Variants in STARD9 observed in about 807,000 individuals in gnomAD.
The protein encoded by STARD9 is StAR related lipid transfer domain containing 9.
Under a neutral mutation model 399.8 loss-of-function variants are expected in STARD9, and 346 were observed. That is an observed-to-expected ratio of 0.87 (90% CI 0.79 to 0.95). The LOEUF is 0.95. Ranked by LOEUF, STARD9 falls within the 40% of genes least tolerant of loss-of-function variation. The pLI is 0.00. For synonymous variants in STARD9, 2,203 were observed against 2,143.5 expected (o/e 1.03, Z -0.77); for missense variants, 5,832 against 5,667.5 (o/e 1.03, Z -0.93).
Position 42,664,064 on chromosome 15 carries a change from T to A in STARD9, c.1176+147T>A, listed in dbSNP as rs1030068037. On this transcript the variant is annotated intron_variant, in intron 13 of 32. Transcript: ENST00000290607. ...GATGAGGGAGTAGAATTCTTTCTTG[T>A]ACTGTCATCTCCTTCTTTCCTATCT... 5.8e-5 allele frequency: 36 copies of A among 615,850 alleles called. No homozygotes were observed. In the African/African-American group the frequency reaches 6.3e-4, roughly 11 times the overall value. The allele number at this position is 615,850 out of a possible 1,614,324, so 38.1% of individuals were successfully genotyped here.
intron 3 of STARD9, among the ~76,000 whole-genome samples, chr15:42,591,225 C>T (rs1296770104): frequency 2.0e-5 from 3 of 152,190 alleles, no homozygotes; most frequent in Non-Finnish European, 4.4e-5. Context: ...CAGTGGCTCA[C>T]GCCTGTAATC....
At chr15:42,695,648 G>C in intron 25 of STARD9, 95 bp from the exon 26 acceptor site, 1 of 1,392,700 alleles carries the variant, frequency 7.2e-7, no homozygotes, top group Non-Finnish European at 9.6e-7. Flanking sequence ...CAGTAGAGGT[G>C]AGCAGGGAAG....
chr15:42,591,329 G>A (rs555786664), intron 3 of STARD9, among the ~76,000 whole-genome samples: 2 of 152,196 alleles, frequency 1.3e-5, no homozygotes, highest in African/African-American at 2.4e-5. Flanking sequence ...CTCTACTAAA[G>A]ATACAGAAAA....
rs562709108 is a variant in STARD9 at position 42,616,935 on chromosome 15, A to G, written c.235-17921A>G. ...TACAAAAAGAAAGTTAGAGAATAAC[A>G]GTAACTACTTCATAAATGTATTGTA... On this transcript the variant is annotated intron_variant, in intron 3 of 32. Transcript: ENST00000290607. 3.3e-5 allele frequency among the ~76,000 whole-genome samples: 5 copies of G among 152,210 alleles called. No homozygotes were observed. The South Asian group carries it at 1.0e-3, about 32-fold the overall frequency.
chr15:42,673,363 C>T (rs762055191), intron 16 of STARD9, among the ~76,000 whole-genome samples: 8 of 152,110 alleles, frequency 5.3e-5, no homozygotes, highest in Non-Finnish European at 1.2e-4. Context: ...GATTGCACCA[C>T]TGTACTCCAG....
Position 42,665,772 on chromosome 15 carries a change from C to CT in STARD9, c.1255-13dup, listed in dbSNP as rs2060088688. 1 of 1,536,314 alleles carries CT rather than the reference C, an allele frequency of 6.5e-7. No homozygotes were observed. The highest frequency in any genetic ancestry group is 8.7e-7 in the Non-Finnish European group (1 of 1,146,180). ...ACCAGGAAAATATCAAAGCACATCT[C>CT]TATCTTTGTGCAGAGAAACTTCAGT... On this transcript the variant is annotated splice_polypyrimidine_tract_variant and intron_variant, in intron 14 of 32. Transcript: ENST00000290607.
rs138257631 is a variant in STARD9 at position 42,629,126 on chromosome 15, C to A, written c.235-5730C>A. Reference sequence around the variant, plus strand: ...CCATGACCTCCTGGGTGCAAGCAATCCTCCCACCTCAGCCTCCCAAGTAGC... The same window carrying A: ...CCATGACCTCCTGGGTGCAAGCAATACTCCCACCTCAGCCTCCCAAGTAGC... On this transcript the variant is annotated intron_variant, in intron 3 of 32. Coordinates refer to ENST00000290607, the MANE Select transcript of STARD9 (RefSeq NM_020759.3). 5.2e-3 allele frequency among the ~76,000 whole-genome samples: 787 copies of A among 152,100 alleles called. 4 individuals carry two copies. Among genetic ancestry groups the A allele is most frequent in the Non-Finnish European group, 8.6e-3 (583 of 67,976 alleles).
intron 3 of STARD9, among the ~76,000 whole-genome samples, chr15:42,587,456 A>G (rs1281831401): frequency 1.3e-5 from 2 of 152,190 alleles, no homozygotes; most frequent in Non-Finnish European, 2.9e-5. Context: ...GCTCAGTACA[A>G]AAGAGCAGTG....
At chr15:42,628,210 G>A (rs1053416108) in intron 3 of STARD9, among the ~76,000 whole-genome samples, 1 of 152,100 alleles carries the variant, frequency 6.6e-6, no homozygotes, top group African/African-American at 2.4e-5. Flanking sequence ...CTTTTTATAT[G>A]TCTGTCATTT....
chr15:42,704,441 G>A (rs376405680), intron 26 of STARD9, among the ~76,000 whole-genome samples: 1 of 152,082 alleles, frequency 6.6e-6, no homozygotes, highest in African/African-American at 2.4e-5. Flanking sequence ...CAATATCTGG[G>A]CATTGAAGAA....
rs888998420 is a variant in STARD9 at position 42,718,070 on chromosome 15, G to T, written c.13653G>T (p.Pro4551=). 6 of 1,537,084 alleles carry T rather than the reference G, an allele frequency of 3.9e-6. No homozygotes were observed. The highest frequency in any genetic ancestry group is 5.2e-6 in the Non-Finnish European group (6 of 1,146,878). ...GFLGAGVVSQ[P]LSRVWAAVSD... The stretch of plus-strand genomic sequence containing the variant: ...TGGGGGCAGGTGTGGTGTCCCAGCC[G>T]CTGTCTCGTGTGTGGGCGGCTGTCA... Residue 4551 remains proline, a synonymous_variant, in exon 30 of 33, where the codon CCG becomes CCT. Transcript: ENST00000290607.
At chr15:42,587,790 C>G (rs561493911) in intron 3 of STARD9, among the ~76,000 whole-genome samples, 2 of 152,210 alleles carry the variant, frequency 1.3e-5, no homozygotes, top group South Asian at 2.1e-4. Context: ...ATCTCGAACT[C>G]CCGACCTCAG....
chr15:42,662,753 T>A, intron 10 of STARD9, 41 bp from the exon 11 acceptor site: 1 of 1,313,990 alleles, frequency 7.6e-7, no homozygotes, highest in African/African-American at 1.5e-5. Flanking sequence ...AGATAGTGTC[T>A]TATTTGCTTT....
intron 14 of STARD9, 78 bp downstream of exon 14, chr15:42,665,408 G>A: frequency 1.7e-6 from 2 of 1,173,608 alleles, no homozygotes; most frequent in Non-Finnish European, 2.4e-6. Flanking sequence ...ATAGAGTCTG[G>A]GCCCTGCTGC....
chr15:42,659,954 A>T (rs2059961255), intron 9 of STARD9, among the ~76,000 whole-genome samples: 1 of 152,236 alleles, frequency 6.6e-6, no homozygotes, highest in African/African-American at 2.4e-5. Context: ...ACCCCAAAAT[A>T]GAAACAACCT....
Position 42,688,277 on chromosome 15 carries a change from C to T in STARD9, c.6699C>T (p.Leu2233=). 1 of 1,537,556 alleles carries T rather than the reference C, an allele frequency of 6.5e-7. No homozygotes were observed. Among genetic ancestry groups the T allele is most frequent in the African/African-American group, 1.4e-5 (1 of 73,158 alleles). The change falls in exon 23 of 33, where the codon CTC becomes CTT. Residue 2233 remains leucine (L), a synonymous_variant. Coordinates refer to ENST00000290607, the MANE Select transcript of STARD9 (RefSeq NM_020759.3). ...NGQFVKASAS[L]KGQPWGLGSL... is the part of the protein sequence containing the mutation. ...AGTTTGTAAAAGCATCAGCAAGTCTCAAAGGGCAGCCTTGGGGCTTAGGAA... is the reference window on the plus strand; with the variant it reads ...AGTTTGTAAAAGCATCAGCAAGTCTTAAAGGGCAGCCTTGGGGCTTAGGAA...
intron 7 of STARD9, among the ~76,000 whole-genome samples, chr15:42,646,931 G>A (rs1017925200): frequency 2.0e-5 from 3 of 152,164 alleles, no homozygotes; most frequent in Non-Finnish European, 4.4e-5. Context: ...TGTGTCTCAG[G>A]GAATAGGGAG....
At chr15:42,591,750 GTAAATAGA>G (rs2058399274) in intron 3 of STARD9, among the ~76,000 whole-genome samples, 1 of 152,186 alleles carries the variant, frequency 6.6e-6, no homozygotes, top group Non-Finnish European at 1.5e-5. Context: ...AAATGCCTGA[GTAAATAGA>G]TCAGTTGTCA....
intron 3 of STARD9, among the ~76,000 whole-genome samples, chr15:42,626,255 TTCCTCTTCCTCTTCCTCC>T (rs1262880594): frequency 1.3e-5 from 2 of 151,682 alleles, no homozygotes; most frequent in African/African-American, 2.4e-5. Context: ...CTTCTTCCTC[TTCCTCTTCCTCTTCCTCC>T]TCCTCTTCCT....
Sources: allele counts gnomAD v4.1 joint callset (sites outside exome capture counted in the v4.1 genomes callset), GRCh38; gene constraint gnomAD v4.1.1; transcripts MANE v1.5; gene names NCBI Gene and HGNC (gene_info 2026-07-23, HGNC 2026-07-21).